Variants in MACROD2 observed in about 807,000 individuals in gnomAD.
MACROD2 encodes the protein mono-ADP ribosylhydrolase 2, also known as ADP-ribose glycohydrolase MACROD2.
Under a neutral mutation model 70.4 loss-of-function variants are expected in MACROD2, and 36 were observed. The ratio of observed to expected loss-of-function variants is 0.51; its 90% confidence interval spans 0.39 to 0.68. The LOEUF (loss-of-function observed/expected upper bound fraction) is 0.68. Ranked by LOEUF, MACROD2 falls within the 30% of genes least tolerant of loss-of-function variation. The probability of loss-of-function intolerance (pLI) is 0.00; values close to 1 mark genes in which losing one functional copy is unlikely to be tolerated. For missense variants in MACROD2, 496 were observed against 538.4 expected, an observed-to-expected ratio of 0.92 and a Z score of 0.78; for synonymous variants, 172 against 178.8, an observed-to-expected ratio of 0.96 and a Z score of 0.30.
At chr20:14,235,680 G>T (rs2081862721) in intron 3 of MACROD2, among the ~76,000 whole-genome samples, 1 of 152,136 alleles carries the variant, frequency 6.6e-6, no homozygotes, top group South Asian at 2.1e-4. Context: ...GCATAACGTG[G>T]TCTGTGTAGA....
chr20:15,114,458 G>C (rs1183211339), intron 5 of MACROD2, among the ~76,000 whole-genome samples: 3 of 152,144 alleles, frequency 2.0e-5, no homozygotes, highest in Admixed American at 6.5e-5. Context: ...AAGGAGGTGA[G>C]AGTAGTTCTT....
intron 8 of MACROD2, among the ~76,000 whole-genome samples, chr20:15,583,436 T>G (rs1248393632): frequency 6.6e-6 from 1 of 152,208 alleles, no homozygotes; most frequent in Admixed American, 6.5e-5. Context: ...AATTGGGGAA[T>G]GCAATCCTGC....
chr20:15,813,098 G>A (rs78154813), intron 8 of MACROD2, among the ~76,000 whole-genome samples: 2,624 of 152,102 alleles, frequency 0.017, 95 homozygotes, highest in African/African-American at 0.06. Context: ...CTTTATTTCA[G>A]TGTAGAACAT....
chr20:15,701,514 T>A (rs2050458388), intron 8 of MACROD2, among the ~76,000 whole-genome samples: 1 of 152,208 alleles, frequency 6.6e-6, no homozygotes, highest in Admixed American at 6.5e-5. Flanking sequence ...TTCCAATGGC[T>A]TCAAGTTTGC....
At chr20:15,200,937 A>G (rs1397482681) in intron 5 of MACROD2, among the ~76,000 whole-genome samples, 1 of 152,162 alleles carries the variant, frequency 6.6e-6, no homozygotes, top group African/African-American at 2.4e-5. Context: ...AACTGGGAGT[A>G]CATAAATAAT....
At chr20:15,356,570 G>A (rs1008690155) in intron 6 of MACROD2, among the ~76,000 whole-genome samples, 15 of 151,282 alleles carry the variant, frequency 9.9e-5, no homozygotes, top group South Asian at 2.1e-4. Context: ...ATCACTTGAG[G>A]TCAGGAGTTT....
chr20:14,819,334 G>C (rs1315318792), intron 5 of MACROD2, among the ~76,000 whole-genome samples: 1 of 149,038 alleles, frequency 6.7e-6, no homozygotes, highest in Non-Finnish European at 1.5e-5. Context: ...TCAGTATTTT[G>C]ACCTGAGTAT....
At chr20:14,446,421 C>G (rs1313725279) in intron 3 of MACROD2, among the ~76,000 whole-genome samples, 1 of 152,006 alleles carries the variant, frequency 6.6e-6, no homozygotes, top group Non-Finnish European at 1.5e-5. Flanking sequence ...CAATCCACCT[C>G]CCTAACAAGG....
At chr20:14,471,715 G>T (rs975800078) in intron 3 of MACROD2, among the ~76,000 whole-genome samples, 2 of 152,050 alleles carry the variant, frequency 1.3e-5, no homozygotes, top group African/African-American at 2.4e-5. Context: ...GCCTTCTAAG[G>T]TTCTAAGGTT....
chr20:14,564,197 A>G (rs944410096), intron 4 of MACROD2, among the ~76,000 whole-genome samples: 5 of 151,976 alleles, frequency 3.3e-5, no homozygotes, highest in African/African-American at 1.2e-4. Flanking sequence ...AATTAACTAA[A>G]TATGGACCAA....
At chr20:14,590,299 G>T (rs1981677107) in intron 4 of MACROD2, among the ~76,000 whole-genome samples, 1 of 152,068 alleles carries the variant, frequency 6.6e-6, no homozygotes, top group Admixed American at 6.5e-5. Context: ...GAGATCATAG[G>T]TATAACATAA....
intron 6 of MACROD2, among the ~76,000 whole-genome samples, chr20:15,244,326 G>C (rs1343362355): frequency 6.6e-6 from 1 of 152,166 alleles, no homozygotes; most frequent in African/African-American, 2.4e-5. Context: ...ATAAATATTA[G>C]AGAAAAAGTA....
chr20:14,536,307 A>G (rs534363276), intron 4 of MACROD2, among the ~76,000 whole-genome samples: 13 of 152,292 alleles, frequency 8.5e-5, no homozygotes, highest in Admixed American at 5.2e-4. Flanking sequence ...TTGAACTTTT[A>G]TGTCTCAAGT....
intron 8 of MACROD2, among the ~76,000 whole-genome samples, chr20:15,622,840 G>T (rs1423498706): frequency 3.9e-5 from 6 of 152,088 alleles, no homozygotes; most frequent in Non-Finnish European, 8.8e-5. Context: ...ATTAATTGTT[G>T]TTAATCTCTT....
At chr20:15,209,403 T>C (rs1432216635) in intron 5 of MACROD2, among the ~76,000 whole-genome samples, 2 of 152,174 alleles carry the variant, frequency 1.3e-5, no homozygotes, top group African/African-American at 4.8e-5. Flanking sequence ...TTTTTTGCTT[T>C]TCTGTGAGTA....
intron 7 of MACROD2, among the ~76,000 whole-genome samples, chr20:15,496,054 A>G (rs2047293562): frequency 6.6e-6 from 1 of 152,204 alleles, no homozygotes; most frequent in Admixed American, 6.5e-5. Context: ...GAGCAATGCA[A>G]CATGAGATGA....
rs1217826050 is a variant in MACROD2, at chr20:14,685,065, T to C, written c.418+106T>C. The C allele has an allele frequency of 1.2e-5, 10 of 849,776 alleles. No individual in the cohort carries two copies. In the East Asian group the frequency reaches 2.5e-4, roughly 21 times the overall value. 52.6% of individuals were successfully genotyped at this position (849,776 alleles called of 1,614,324 possible). A position where few individuals can be genotyped will look rare whatever the true frequency, so the allele number is the denominator to read the frequency against. ...ATGGCAGTGGTGGTATTTAATTAAATGTGCTTGAGTTCAGATTTTGTACAT... is the reference window on the plus strand; with the variant it reads ...ATGGCAGTGGTGGTATTTAATTAAACGTGCTTGAGTTCAGATTTTGTACAT... On this transcript the variant is annotated intron_variant, in intron 5 of 17. Transcript: ENST00000684519.
chr20:14,435,690 A>T (rs2084048430), intron 3 of MACROD2, among the ~76,000 whole-genome samples: 1 of 149,968 alleles, frequency 6.7e-6, no homozygotes, highest in African/African-American at 2.4e-5. Context: ...ACATTAGTAC[A>T]TTTCCTAAAG....
chr20:15,670,923 A>G (rs2049971405), intron 8 of MACROD2, among the ~76,000 whole-genome samples: 1 of 152,148 alleles, frequency 6.6e-6, no homozygotes, highest in Non-Finnish European at 1.5e-5. Context: ...CACTTCTCTT[A>G]TCTTGGTCTG....
Sources: gnomAD v4.1 joint callset for allele counts (sites outside exome capture counted in the v4.1 genomes callset) on GRCh38, gnomAD v4.1.1 for gene constraint, MANE v1.5 for transcripts, NCBI Gene and HGNC (gene_info 2026-07-23, HGNC 2026-07-21) for gene names.